The following VPS13B variants were observed in gnomAD, a reference collection of about 807,000 sequenced individuals.
VPS13B encodes the protein vacuolar protein sorting 13 homolog B.
In VPS13B, 285 loss-of-function variants were observed where a neutral mutation model predicts 426.4. That is an observed-to-expected ratio of 0.67 (90% CI 0.61 to 0.74). VPS13B has a LOEUF of 0.74. Ranked by LOEUF, VPS13B falls within the 30% of genes least tolerant of loss-of-function variation. The pLI is 0.00. For synonymous variants in VPS13B, 1,676 were observed against 1,676.4 expected, an observed-to-expected ratio of 1.00 and a Z score of 0.01; for missense variants, 4,537 against 4,782.6, an observed-to-expected ratio of 0.95 and a Z score of 1.51.
intron 61 of VPS13B, among the ~76,000 whole-genome samples, chr8:99,874,348 T>A (rs1817584722): frequency 6.6e-6 from 1 of 152,214 alleles, no homozygotes; most frequent in African/African-American, 2.4e-5. Flanking sequence ...GGGACCGTTT[T>A]TCCCCAAGCT....
chr8:99,665,898 A>G (rs2129821811), intron 35 of VPS13B, among the ~76,000 whole-genome samples: 1 of 152,184 alleles, frequency 6.6e-6, no homozygotes, highest in African/African-American at 2.4e-5. Flanking sequence ...AAATCTATAA[A>G]TTACCTTGGG....
intron 33 of VPS13B, among the ~76,000 whole-genome samples, chr8:99,586,575 G>A (rs943937147): frequency 2.6e-5 from 4 of 152,138 alleles, no homozygotes; most frequent in Admixed American, 2.0e-4. Flanking sequence ...TTCTGAATCA[G>A]ATTAATCAAA....
At chr8:99,369,246 A>G (rs1469394650) in intron 19 of VPS13B, among the ~76,000 whole-genome samples, 1 of 152,220 alleles carries the variant, frequency 6.6e-6, no homozygotes, top group Non-Finnish European at 1.5e-5. Flanking sequence ...AATAATTTGA[A>G]CATAAATGTT....
intron 57 of VPS13B, among the ~76,000 whole-genome samples, chr8:99,859,867 C>T (rs568696124): frequency 2.4e-4 from 37 of 152,258 alleles, no homozygotes; most frequent in African/African-American, 8.7e-4. Flanking sequence ...GTTGTCATAA[C>T]TTTCTTAAGG....
intron 51 of VPS13B, among the ~76,000 whole-genome samples, chr8:99,825,674 G>A (rs1814642751): frequency 6.6e-6 from 1 of 152,108 alleles, no homozygotes; most frequent in African/African-American, 2.4e-5. Context: ...GTATTGCCTA[G>A]GTTTTCTTCT....
chr8:99,719,631 G>GT (rs1833058084), intron 37 of VPS13B, among the ~76,000 whole-genome samples: 1 of 152,072 alleles, frequency 6.6e-6, no homozygotes, highest in African/African-American at 2.4e-5. Flanking sequence ...ATTTTTGAAA[G>GT]TTTTAATCTT....
At chr8:99,411,008 G>C (rs1393733942) in intron 21 of VPS13B, among the ~76,000 whole-genome samples, 1 of 152,172 alleles carries the variant, frequency 6.6e-6, no homozygotes, top group Non-Finnish European at 1.5e-5. Flanking sequence ...GTTGTGAATA[G>C]TGTTGCAATA....
intron 19 of VPS13B, among the ~76,000 whole-genome samples, chr8:99,374,626 C>G (rs1588305496): frequency 1.3e-5 from 2 of 152,164 alleles, no homozygotes; most frequent in East Asian, 3.9e-4. Flanking sequence ...GAGAATGGAG[C>G]CTATGATAAA....
At chr8:99,364,419 C>T (rs1034333997) in intron 19 of VPS13B, among the ~76,000 whole-genome samples, 5 of 151,624 alleles carry the variant, frequency 3.3e-5, no homozygotes, top group Admixed American at 3.3e-4. Flanking sequence ...TAGATATTGT[C>T]CCGTAGTTTT....
rs373986100 is a variant in VPS13B at position 99,561,125 on chromosome 8, G to A, written c.4949+4472G>A. Reference sequence around the variant, plus strand: ...ATTGAGCAACTACCACCTCTGTCTAGTTCCAAAACATTTTCTTCACCCCAA... The same window carrying A: ...ATTGAGCAACTACCACCTCTGTCTAATTCCAAAACATTTTCTTCACCCCAA... On this transcript the variant is annotated intron_variant, in intron 31 of 61. Transcript: ENST00000357162. 1.2e-4 allele frequency among the ~76,000 whole-genome samples: 19 copies of A among 152,210 alleles called. 2 individuals carry two copies. The highest frequency in any genetic ancestry group is 4.6e-4 in the African/African-American group (19 of 41,546).
chr8:99,750,164 T>A lies in VPS13B; in HGVS notation c.7051-16610T>A, dbSNP rs369723024. 3.9e-5 allele frequency among the ~76,000 whole-genome samples: 6 copies of A among 152,326 alleles called. No homozygotes were observed. In the East Asian group the frequency reaches 1.2e-3, roughly 29 times the overall value. The stretch of plus-strand genomic sequence containing the variant: ...TTAATTGAATGGTATATATTTTATA[T>A]TCATTCGTGATGAAGTATTTCTAAG... On this transcript the variant is annotated intron_variant, in intron 39 of 61. Transcript: ENST00000357162.
chr8:99,105,879 C>T (rs1847017694), intron 5 of VPS13B, among the ~76,000 whole-genome samples: 1 of 152,076 alleles, frequency 6.6e-6, no homozygotes, highest in Non-Finnish European at 1.5e-5. Flanking sequence ...AAAATGACTG[C>T]TTCTAACTTG....
chr8:99,290,650 A>G (rs1345712320), intron 19 of VPS13B, among the ~76,000 whole-genome samples: 2 of 151,798 alleles, frequency 1.3e-5, no homozygotes, highest in African/African-American at 2.4e-5. Context: ...AACTTAAAGT[A>G]TAATAATAAA....
Position 99,835,536 on chromosome 8 carries a change from C to A in VPS13B, c.9743-3C>A. 1 of 1,613,840 alleles carries A rather than the reference C, an allele frequency of 6.2e-7. No homozygotes were observed. ...TCTGCATATGCCTTTTTTAAAATTT[C>A]AGATATTCCAAAGTTTGAGGTTTAT... On this transcript the variant is annotated splice_polypyrimidine_tract_variant and splice_region_variant and intron_variant, in intron 53 of 61. Transcript: ENST00000357162.
intron 39 of VPS13B, among the ~76,000 whole-genome samples, chr8:99,729,683 G>A (rs1337000412): frequency 1.3e-5 from 2 of 152,150 alleles, no homozygotes; most frequent in African/African-American, 2.4e-5. Flanking sequence ...AATGTTTAAT[G>A]TCTGTAGCTT....
chr8:99,573,413 TA>T (rs1269469465), intron 31 of VPS13B, among the ~76,000 whole-genome samples: 6 of 152,228 alleles, frequency 3.9e-5, no homozygotes, highest in Non-Finnish European at 2.9e-5. Context: ...GGTTTTCTTC[TA>T]GGGTTTTTAT....
chr8:99,741,776 T>G (rs1293754532), intron 39 of VPS13B, among the ~76,000 whole-genome samples: 2 of 151,992 alleles, frequency 1.3e-5, no homozygotes, highest in Admixed American at 6.5e-5. Flanking sequence ...TTGAAACCAA[T>G]GAGAACAAAG....
At chr8:99,657,470 T>TGTGTGTGTGTG (rs60760111) in intron 34 of VPS13B, among the ~76,000 whole-genome samples, 20,316 of 146,922 alleles carry the variant, frequency 0.14, 1,860 homozygotes, top group East Asian at 0.36. Flanking sequence ...ACTTTAAAAA[T>TGTGTGTGTGTG]TGTGTGTGTG....
intron 3 of VPS13B, among the ~76,000 whole-genome samples, chr8:99,043,187 A>AT (rs1459203156): frequency 6.6e-6 from 1 of 151,220 alleles, no homozygotes; most frequent in Non-Finnish European, 1.5e-5. Context: ...TTTAGATAGG[A>AT]TTTTTTATTT....
Sources: gnomAD v4.1 joint callset for allele counts (sites outside exome capture counted in the v4.1 genomes callset) on GRCh38, gnomAD v4.1.1 for gene constraint, MANE v1.5 for transcripts, NCBI Gene and HGNC (gene_info 2026-07-23, HGNC 2026-07-21) for gene names.